SGCZ: variants seen among roughly 807,000 people sequenced by gnomAD.
SGCZ encodes the protein sarcoglycan zeta.
In SGCZ, 40 loss-of-function variants were observed where a neutral mutation model predicts 41.3. The observed-to-expected ratio is 0.97, with a 90% CI of 0.75 to 1.26. SGCZ has a LOEUF of 1.26. Ranked by LOEUF, SGCZ falls within the 50% of genes most tolerant of loss-of-function variation. The pLI, the probability that SGCZ is intolerant of heterozygous loss-of-function variation, is 0.00. For synonymous variants in SGCZ, 206 were observed against 137.5 expected (o/e 1.50, Z -3.49); for missense variants, 552 against 369.8 (o/e 1.49, Z -4.04).
intron 1 of SGCZ, among the ~76,000 whole-genome samples, chr8:14,983,299 G>A (rs1256629255): frequency 6.6e-6 from 1 of 151,690 alleles, no homozygotes; most frequent in Non-Finnish European, 1.5e-5. Context: ...GTAGGCTTAA[G>A]GGATCTTCCT....
At chr8:14,642,825 G>C (rs1807072487) in intron 1 of SGCZ, among the ~76,000 whole-genome samples, 1 of 151,362 alleles carries the variant, frequency 6.6e-6, no homozygotes, top group South Asian at 2.1e-4. Flanking sequence ...CTGAAACACA[G>C]CATGATTTCT....
At chr8:14,445,671 A>C (rs1017965768) in intron 2 of SGCZ, among the ~76,000 whole-genome samples, 1 of 152,164 alleles carries the variant, frequency 6.6e-6, no homozygotes, top group African/African-American at 2.4e-5. Flanking sequence ...CTCAGGACAC[A>C]TTGACTGTGG....
chr8:14,237,524 C>T, intron 4 of SGCZ, 68 bp downstream of exon 4: 1 of 1,442,468 alleles, frequency 6.9e-7, no homozygotes, highest in Non-Finnish European at 9.6e-7. Context: ...CAACAAGAAC[C>T]AAAAACCAAA....
At chr8:14,816,060 T>C (rs1801894236) in intron 1 of SGCZ, among the ~76,000 whole-genome samples, 1 of 152,258 alleles carries the variant, frequency 6.6e-6, no homozygotes, top group Non-Finnish European at 1.5e-5. Context: ...TTCCATTTAA[T>C]GCAGTATGTC....
intron 4 of SGCZ, among the ~76,000 whole-genome samples, chr8:14,231,171 G>GTC (rs1336729178): frequency 1.3e-5 from 2 of 149,294 alleles, no homozygotes; most frequent in African/African-American, 2.5e-5. Context: ...GTGTGTGTGT[G>GTC]TGTGTGTGTG....
intron 5 of SGCZ, among the ~76,000 whole-genome samples, chr8:14,134,720 C>A (rs960970027): frequency 6.6e-6 from 1 of 152,064 alleles, no homozygotes; most frequent in Non-Finnish European, 1.5e-5. Context: ...GTATAGGCTG[C>A]CGCAAAGACT....
In SGCZ at chr8:14,211,949, G is replaced by A. The variant is rs148863255; in HGVS notation, c.424+25643C>T. Among the ~76,000 whole-genome samples, 16 of 152,262 alleles carry A rather than the reference G, an allele frequency of 1.1e-4. No individual in the cohort carries two copies. The South Asian group carries it at 3.3e-3, about 32-fold the overall frequency. On this transcript the variant is annotated intron_variant, in intron 4 of 7. Coordinates refer to ENST00000382080, the MANE Select transcript of SGCZ (RefSeq NM_139167.4). The stretch of plus-strand genomic sequence containing the variant: ...GCCACAGCTGTGCCATACCCAGAAA[G>A]TTCTGAATCTCAGTCCTGAGGTGGA...
intron 1 of SGCZ, among the ~76,000 whole-genome samples, chr8:14,999,230 T>C (rs1802324047): frequency 1.3e-5 from 2 of 152,190 alleles, no homozygotes; most frequent in Non-Finnish European, 2.9e-5. Context: ...CAAAACATTA[T>C]GGTTGAATGA....
intron 1 of SGCZ, among the ~76,000 whole-genome samples, chr8:14,768,828 A>C (rs1170922607): frequency 6.6e-6 from 1 of 152,146 alleles, no homozygotes; most frequent in African/African-American, 2.4e-5. Flanking sequence ...ACCACTGTTC[A>C]TGGTACCCAG....
At chr8:15,029,211 C>T (rs183719999) in intron 1 of SGCZ, among the ~76,000 whole-genome samples, 1 of 151,898 alleles carries the variant, frequency 6.6e-6, no homozygotes, top group African/African-American at 2.4e-5. Context: ...TGCTTTGGTA[C>T]CCTACTTTAA....
chr8:14,333,075 T>C (rs1000013291), intron 2 of SGCZ, among the ~76,000 whole-genome samples: 4 of 152,046 alleles, frequency 2.6e-5, no homozygotes, highest in Non-Finnish European at 4.4e-5. Flanking sequence ...CTACAGGCAA[T>C]TGGAATCACT....
intron 2 of SGCZ, among the ~76,000 whole-genome samples, chr8:14,378,599 C>T (rs1410892470): frequency 6.6e-6 from 1 of 152,042 alleles, no homozygotes; most frequent in Middle Eastern, 3.4e-3. Flanking sequence ...AACAAACAAC[C>T]CCATCAAAAA....
At chr8:15,099,785 G>A (rs1336038615) in intron 1 of SGCZ, among the ~76,000 whole-genome samples, 1 of 152,068 alleles carries the variant, frequency 6.6e-6, no homozygotes, top group Admixed American at 6.5e-5. Flanking sequence ...ATATATGTAA[G>A]ACTGGTTCAA....
At chr8:14,966,858 C>T (rs561116074) in intron 1 of SGCZ, among the ~76,000 whole-genome samples, 11 of 152,122 alleles carry the variant, frequency 7.2e-5, no homozygotes, top group South Asian at 6.2e-4. Flanking sequence ...CAAAAACATA[C>T]GGGAAAGCTG....
intron 1 of SGCZ, among the ~76,000 whole-genome samples, chr8:15,222,552 T>C (rs1384411270): frequency 6.6e-6 from 1 of 152,208 alleles, no homozygotes; most frequent in Non-Finnish European, 1.5e-5. Flanking sequence ...CTTTTACCAG[T>C]AGTTGTCTAT....
intron 5 of SGCZ, among the ~76,000 whole-genome samples, chr8:14,123,312 A>G (rs1462285351): frequency 6.6e-6 from 1 of 152,158 alleles, no homozygotes; most frequent in Non-Finnish European, 1.5e-5. Context: ...TTGGTTTTAC[A>G]GTTGTAAACT....
At chr8:14,925,258 C>G (rs1354639465) in intron 1 of SGCZ, among the ~76,000 whole-genome samples, 1 of 152,154 alleles carries the variant, frequency 6.6e-6, no homozygotes, top group African/African-American at 2.4e-5. Flanking sequence ...CTATCACTGT[C>G]GAAGACAAAA....
At chr8:14,393,397 G>T (rs190137022) in intron 2 of SGCZ, among the ~76,000 whole-genome samples, 1 of 152,174 alleles carries the variant, frequency 6.6e-6, no homozygotes, top group East Asian at 1.9e-4. Context: ...ATCTTCCCTT[G>T]TCAACCACAT....
chr8:14,638,744 T>C (rs572741601), intron 1 of SGCZ, among the ~76,000 whole-genome samples: 1 of 151,934 alleles, frequency 6.6e-6, no homozygotes, highest in East Asian at 1.9e-4. Flanking sequence ...AGCAATCCTT[T>C]ATTGTGCTCC....
Sources: gnomAD v4.1 joint callset for allele counts (sites outside exome capture counted in the v4.1 genomes callset) on GRCh38, gnomAD v4.1.1 for gene constraint, MANE v1.5 for transcripts, NCBI Gene and HGNC (gene_info 2026-07-23, HGNC 2026-07-21) for gene names.